Variants in ANXA6 observed in about 807,000 individuals in gnomAD.
ANXA6 encodes annexin A6, also known as 67 kDa calelectrin.
A neutral mutation model predicts 95.4 loss-of-function variants in ANXA6; 71 were observed. The observed-to-expected ratio is 0.74, with a 90% CI of 0.61 to 0.91. The LOEUF is 0.91. ANXA6 is among the 40% of genes least tolerant of loss of function. The pLI, the probability that ANXA6 is intolerant of heterozygous loss-of-function variation, is 0.00. For missense variants in ANXA6, 830 were observed against 876.4 expected (o/e 0.95, Z 0.67); for synonymous variants, 289 against 315.9 (o/e 0.91, Z 0.90).
intron 24 of ANXA6, among the ~76,000 whole-genome samples, chr5:151,104,149 C>A (rs1283070552): frequency 6.6e-6 from 1 of 152,198 alleles, no homozygotes; most frequent in East Asian, 1.9e-4. Flanking sequence ...TGGCAACCAC[C>A]AGAAGCTAGG....
chr5:151,121,037 C>T (rs1581991184), intron 17 of ANXA6, among the ~76,000 whole-genome samples: 1 of 152,226 alleles, frequency 6.6e-6, no homozygotes, highest in Non-Finnish European at 1.5e-5. Context: ...GTCTTTAGAT[C>T]GTTTGCTTTT....
intron 21 of ANXA6, 93 bp from the exon 22 acceptor site, chr5:151,109,939 G>T: frequency 1.0e-6 from 1 of 958,428 alleles, no homozygotes; most frequent in Non-Finnish European, 1.6e-6. Flanking sequence ...TGGGCTGAGG[G>T]CAGTCAGAAG....
rs529539700 is a variant in ANXA6, at chr5:151,126,584, A to G, written c.978-104T>C. ...CACACACACACACCCCAACACATAC[A>G]CACACGTGCACACACCACACACACA... On this transcript the variant is annotated intron_variant, in intron 13 of 25. Transcript: ENST00000354546. 4.2e-4 allele frequency: 350 copies of G among 825,018 alleles called. 4 individuals carry two copies. The African/African-American group carries it at 5.3e-3, about 12-fold the overall frequency. 51.1% of individuals were successfully genotyped at this position (825,018 alleles called of 1,614,324 possible).
At chr5:151,150,812 G>C (rs910459756) in intron 1 of ANXA6, 5 of 152,478 alleles carry the variant, frequency 3.3e-5, no homozygotes, top group African/African-American at 1.2e-4. Flanking sequence ...GGATAGTAGG[G>C]GGAGACAGTG....
intron 2 of ANXA6, among the ~76,000 whole-genome samples, chr5:151,142,848 T>C (rs192909228): frequency 3.3e-5 from 5 of 152,326 alleles, no homozygotes; most frequent in Admixed American, 2.0e-4. Flanking sequence ...TGTGGAAATA[T>C]TAAGCTTTGA....
chr5:151,129,810 A>G (rs1209920592), intron 11 of ANXA6, among the ~76,000 whole-genome samples: 2 of 152,038 alleles, frequency 1.3e-5, no homozygotes, highest in African/African-American at 4.8e-5. Flanking sequence ...TTCCAGACTC[A>G]AGCAATTCTC....
chr5:151,156,175 G>A (rs62379700), intron 1 of ANXA6, among the ~76,000 whole-genome samples: 14,177 of 152,284 alleles, frequency 0.093, 828 homozygotes, highest in South Asian at 0.16. Context: ...CTGCAGAGGG[G>A]GATGAAAGCC....
In ANXA6 at chr5:151,101,607, T is replaced by C. The variant is rs80018739; in HGVS notation, c.1963-100A>G. On this transcript the variant is annotated intron_variant, in intron 25 of 25. Transcript: ENST00000354546. ...CTGTCTGGACATCTCCCTCGGCTTC[T>C]CTCCATGACCAACATAGGATCCCAT... is the stretch of plus-strand genomic sequence containing the variant. 1.3e-3 allele frequency: 1,375 copies of C among 1,028,406 alleles called. 14 individuals carry two copies. The African/African-American group carries it at 0.019, about 14-fold the overall frequency. 63.7% of individuals were successfully genotyped at this position (1,028,406 alleles called of 1,614,324 possible).
chr5:151,147,330 G>A (rs930498351), intron 2 of ANXA6, among the ~76,000 whole-genome samples: 8 of 152,172 alleles, frequency 5.3e-5, no homozygotes, highest in South Asian at 4.1e-4. Flanking sequence ...ATTTCCCTTC[G>A]TCAGGCCAAA....
chr5:151,135,319 A>T (rs1245374458), intron 7 of ANXA6, among the ~76,000 whole-genome samples: 1 of 152,120 alleles, frequency 6.6e-6, no homozygotes, highest in African/African-American at 2.4e-5. Flanking sequence ...CAGGGATAGG[A>T]CACTCCTCTC....
intron 9 of ANXA6, 89 bp from the exon 10 acceptor site, chr5:151,132,660 G>T: frequency 9.0e-7 from 1 of 1,110,494 alleles, no homozygotes; most frequent in African/African-American, 1.6e-5. Context: ...GGGCACAGTG[G>T]CCAGGACGAC....
chr5:151,146,297 A>G (rs1358618220), intron 2 of ANXA6, among the ~76,000 whole-genome samples: 1 of 152,206 alleles, frequency 6.6e-6, no homozygotes, highest in African/African-American at 2.4e-5. Context: ...GACTACACAT[A>G]GGAAATGGGG....
chr5:151,139,318 C>A (rs1382605706), intron 4 of ANXA6, 35 bp downstream of exon 4: 3 of 1,460,444 alleles, frequency 2.1e-6, no homozygotes, highest in East Asian at 4.7e-5. Flanking sequence ...ATTCTTCCAC[C>A]CGCACCCCAT....
chr5:151,109,518 T>C (rs1337354534), intron 22 of ANXA6, among the ~76,000 whole-genome samples: 1 of 152,180 alleles, frequency 6.6e-6, no homozygotes, highest in Non-Finnish European at 1.5e-5. Flanking sequence ...TTGCTATACC[T>C]AATCCCGGGC....
rs983736286 is a variant in ANXA6, at chr5:151,152,320, A to C, written c.-25-4394T>G. Among the ~76,000 whole-genome samples, 3 of 152,366 alleles carry C rather than the reference A, an allele frequency of 2.0e-5. No individual in the cohort carries two copies. The South Asian group carries it at 6.2e-4, about 32-fold the overall frequency. ...CTCAATAAATGGTGGCTTTTATTAT[A>C]ATAAGCCCAAACATTTACAATGGAG... On this transcript the variant is annotated intron_variant, in intron 1 of 25. Transcript: ENST00000354546.
intron 18 of ANXA6, 144 bp downstream of exon 18, chr5:151,119,156 G>A: frequency 1.5e-6 from 1 of 657,460 alleles, no homozygotes; most frequent in Non-Finnish European, 2.7e-6. Context: ...CACAGGGATG[G>A]GCACACCCAA....
rs1764526574 is a variant in ANXA6 at position 151,100,855 on chromosome 5, A to C, written c.*593T>G. On this transcript the variant is annotated 3_prime_UTR_variant, in exon 26 of 26. Transcript: ENST00000354546. ...ACTGTCTCATTGTAGATAAGAAAATAGAGACTCAGGGAGGGAAAGGGGCTG... is the reference window on the plus strand; with the variant it reads ...ACTGTCTCATTGTAGATAAGAAAATCGAGACTCAGGGAGGGAAAGGGGCTG... 1 of 456,238 alleles carries C rather than the reference A, an allele frequency of 2.2e-6. No homozygotes were observed. The highest frequency in any genetic ancestry group is 1.5e-5 in the South Asian group (1 of 64,552). 28.3% of individuals were successfully genotyped at this position (456,238 alleles called of 1,614,324 possible). A position where few individuals can be genotyped will look rare whatever the true frequency, so the allele number is the denominator to read the frequency against.
intron 14 of ANXA6, among the ~76,000 whole-genome samples, 168 bp from the exon 15 acceptor site, chr5:151,124,535 CTGAGAGAGAG>C (rs1765261588): frequency 8.0e-6 from 1 of 125,074 alleles, no homozygotes; most frequent in East Asian, 2.6e-4. Context: ...TGCACGAGAG[CTGAGAGAGAG>C]AGAGAGAGAG....
rs571225795 is a variant in ANXA6, at chr5:151,122,803, C to A, written c.1233+114G>T. ...CTGAGATCATATGACCACACAGGGT[C>A]CCTCTGCCATGAAGACCCTGGTGCC... On this transcript the variant is annotated intron_variant, in intron 16 of 25. Coordinates refer to ENST00000354546, the MANE Select transcript of ANXA6 (RefSeq NM_001155.5). The A allele has an allele frequency of 2.4e-5, 20 of 851,054 alleles. 1 individual carries two copies. In the East Asian group the frequency reaches 5.0e-4, roughly 21 times the overall value. The allele number at this position is 851,054 out of a possible 1,614,324, so 52.7% of individuals were successfully genotyped here.
Sources: allele counts gnomAD v4.1 joint callset (sites outside exome capture counted in the v4.1 genomes callset), GRCh38; gene constraint gnomAD v4.1.1; transcripts MANE v1.5; gene names NCBI Gene and HGNC (gene_info 2026-07-23, HGNC 2026-07-21).